The following SMAD2 variants were observed in gnomAD, a reference collection of about 807,000 sequenced individuals.
The protein encoded by SMAD2 is SMAD family member 2.
In SMAD2, 8 loss-of-function variants were observed where a neutral mutation model predicts 64.4. The ratio of observed to expected loss-of-function variants is 0.12; its 90% CI spans 0.07 to 0.22. SMAD2 has a LOEUF of 0.22. SMAD2 is among the 10% of genes least tolerant of loss of function. SMAD2 has a pLI of 1.00. For synonymous variants in SMAD2, 203 were observed against 195.8 expected (o/e 1.04, Z -0.31); for missense variants, 289 against 561.2 (o/e 0.51, Z 4.90).
chr18:47,870,687 C>G, intron 2 of SMAD2, 123 bp from the exon 3 acceptor site: 1 of 766,824 alleles, frequency 1.3e-6, no homozygotes, highest in Non-Finnish European at 2.3e-6. Flanking sequence ...TATACAATTG[C>G]TTCACTTTTT....
At chr18:47,924,792 G>C (rs551511605) in intron 1 of SMAD2, among the ~76,000 whole-genome samples, 1 of 152,300 alleles carries the variant, frequency 6.6e-6, no homozygotes, top group East Asian at 1.9e-4. Flanking sequence ...AATGAAAGAC[G>C]TGATGAGGAT....
chr18:47,886,673 G>C (rs1305454433), intron 2 of SMAD2: 1 of 152,316 alleles, frequency 6.6e-6, no homozygotes, highest in African/African-American at 2.4e-5. Flanking sequence ...GAGTTAGTGA[G>C]AAGTCTCCTT....
chr18:47,844,770 T>C (rs1455574443), intron 10 of SMAD2: 1 of 154,936 alleles, frequency 6.5e-6, no homozygotes, highest in Non-Finnish European at 1.4e-5. Flanking sequence ...ACAGAAATAA[T>C]AATTTTTAGA....
chr18:47,865,409 C>CA (rs1208922509), intron 5 of SMAD2, among the ~76,000 whole-genome samples: 4 of 152,094 alleles, frequency 2.6e-5, no homozygotes, highest in Admixed American at 1.3e-4. Flanking sequence ...TATTCTGGGG[C>CA]AAGAGCCAAA....
At position 47,837,572 on chromosome 18, in the gene SMAD2, A is replaced by AC. The variant is rs1414099699; in HGVS notation, c.*4254_*4255insG. The stretch of plus-strand genomic sequence containing the variant: ...GCGAGACTCCCTCTCAAAAAAAAAA[A>AC]AAAAAAACAAAAAACAAGGCTAACA... On this transcript the variant is annotated 3_prime_UTR_variant, in exon 11 of 11. Coordinates refer to ENST00000262160, the MANE Select transcript of SMAD2 (RefSeq NM_005901.6). The AC allele has an allele frequency of 5.3e-5, 12 of 226,442 alleles. No homozygotes were observed. Among genetic ancestry groups the AC allele is most frequent in the South Asian group, 3.7e-4 (2 of 5,416 alleles). 14.0% of individuals were successfully genotyped at this position (226,442 alleles called of 1,614,324 possible).
chr18:47,850,557 T>A (rs1277072069), intron 7 of SMAD2, among the ~76,000 whole-genome samples: 19 of 49,294 alleles, frequency 3.9e-4, no homozygotes, highest in Non-Finnish European at 6.1e-4. Context: ...TAATATATAT[T>A]ATGTATAATA....
rs1413175961 is a variant in SMAD2, at chr18:47,819,380, T to C, written c.*22447A>G. ...CTGAGTTACTGGCAAAATACCTACA[T>C]ATTTCATTTTTATGGTTCTTAATTG... On this transcript the variant is annotated 3_prime_UTR_variant, in exon 11 of 11. Coordinates refer to ENST00000262160, the MANE Select transcript of SMAD2 (RefSeq NM_005901.6). 6.6e-6 allele frequency: 1 copy of C among 152,240 alleles called. No individual in the cohort carries two copies. The highest frequency in any genetic ancestry group is 2.4e-5 in the African/African-American group (1 of 41,462). The allele number at this position is 152,240 out of a possible 1,614,324, so 9.4% of individuals were successfully genotyped here.
At chr18:47,889,992 G>A (rs1347829511) in intron 2 of SMAD2, among the ~76,000 whole-genome samples, 1 of 152,066 alleles carries the variant, frequency 6.6e-6, no homozygotes, top group African/African-American at 2.4e-5. Flanking sequence ...TTTATAAAGG[G>A]ACAAAGGTCC....
In SMAD2 at chr18:47,840,108, C is replaced by T. The variant is rs1913798205; in HGVS notation, c.*1719G>A. 4.3e-6 allele frequency: 1 copy of T among 232,946 alleles called. No homozygotes were observed. The highest frequency in any genetic ancestry group is 8.5e-6 in the Non-Finnish European group (1 of 117,958). 14.4% of individuals were successfully genotyped at this position (232,946 alleles called of 1,614,324 possible). ...GTTGAATGAATAAAAAATTACTATA[C>T]CAAATTTACATGAACACATACATAT... is the stretch of plus-strand genomic sequence containing the variant. On this transcript the variant is annotated 3_prime_UTR_variant, in exon 11 of 11. Coordinates refer to ENST00000262160, the MANE Select transcript of SMAD2 (RefSeq NM_005901.6).
At chr18:47,885,192 C>A (rs1317098403) in intron 2 of SMAD2, among the ~76,000 whole-genome samples, 2 of 148,836 alleles carry the variant, frequency 1.3e-5, no homozygotes, top group South Asian at 2.1e-4. Context: ...CATATACCCT[C>A]CCCCCCCAAG....
chr18:47,828,262 C>A lies in SMAD2; in HGVS notation c.*13565G>T. 6.5e-6 allele frequency: 1 copy of A among 154,416 alleles called. No homozygotes were observed. Among genetic ancestry groups the A allele is most frequent in the Non-Finnish European group, 1.4e-5 (1 of 70,300 alleles). 9.6% of individuals were successfully genotyped at this position (154,416 alleles called of 1,614,324 possible). Reference sequence around the variant, plus strand: ...GCCCCTGCTCGGCCAGCCGCCCCGTCCGGGAGGTGGGGGGCAACCCCCGCC... The same window carrying A: ...GCCCCTGCTCGGCCAGCCGCCCCGTACGGGAGGTGGGGGGCAACCCCCGCC... On this transcript the variant is annotated 3_prime_UTR_variant, in exon 11 of 11. Transcript: ENST00000262160.
intron 2 of SMAD2, among the ~76,000 whole-genome samples, chr18:47,889,617 A>G (rs1247826709): frequency 1.3e-5 from 2 of 152,008 alleles, no homozygotes; most frequent in Non-Finnish European, 2.9e-5. Flanking sequence ...TAAAAATACA[A>G]AAAATTAGCC....
At position 47,835,824 on chromosome 18, in the gene SMAD2, TA is replaced by T; in HGVS notation, c.*6002del. The T allele has an allele frequency of 5.1e-6, 1 of 194,630 alleles. No individual in the cohort carries two copies. Among genetic ancestry groups the T allele is most frequent in the Non-Finnish European group, 1.1e-5 (1 of 93,450 alleles). The allele number at this position is 194,630 out of a possible 1,614,324, so 12.1% of individuals were successfully genotyped here. A position where few individuals can be genotyped will look rare whatever the true frequency, so the allele number is the denominator to read the frequency against. On this transcript the variant is annotated 3_prime_UTR_variant, in exon 11 of 11. Transcript: ENST00000262160. Reference sequence around the variant, plus strand: ...TGTTCAATAAATTACCATCTTTAATTAAAAATAAGTAAATCAAAGAGCATAT... The same window carrying T: ...TGTTCAATAAATTACCATCTTTAATTAAAATAAGTAAATCAAAGAGCATAT...
At chr18:47,921,615 T>A (rs2034563423) in intron 1 of SMAD2, among the ~76,000 whole-genome samples, 1 of 152,236 alleles carries the variant, frequency 6.6e-6, no homozygotes, top group African/African-American at 2.4e-5. Flanking sequence ...AAGCCCCAGA[T>A]GTTTCAATGA....
chr18:47,850,413 TATATATA>T lies in SMAD2; in HGVS notation c.784+854_784+860del, dbSNP rs1206529708. 2.9e-4 allele frequency among the ~76,000 whole-genome samples: 5 copies of T among 17,224 alleles called. 1 individual carries two copies. The highest frequency in any genetic ancestry group is 3.9e-4 in the Non-Finnish European group (4 of 10,348). 11.3% of individuals were successfully genotyped at this position (17,224 alleles called of 152,430 possible). ...AATATATATTATATATTATGTATAA[TATATATA>T]ATATATTATATATATTATGTATAAT... On this transcript the variant is annotated intron_variant, in intron 7 of 10. Transcript: ENST00000262160.
chr18:47,869,606 T>G (rs1178229798), intron 3 of SMAD2, among the ~76,000 whole-genome samples, 170 bp from the exon 4 acceptor site: 1 of 152,088 alleles, frequency 6.6e-6, no homozygotes, highest in Non-Finnish European at 1.5e-5. Context: ...ATGGATCTGA[T>G]AAAAGTATGC....
chr18:47,926,747 G>A (rs1017544713), intron 1 of SMAD2, among the ~76,000 whole-genome samples: 14 of 152,076 alleles, frequency 9.2e-5, no homozygotes, highest in African/African-American at 3.1e-4. Context: ...TTTACAATAG[G>A]TCCATAATAA....
At position 47,839,005 on chromosome 18, in the gene SMAD2, A is replaced by ATT. The variant is rs903422982; in HGVS notation, c.*2821_*2822insAA. The ATT allele has an allele frequency of 1.5e-4, 31 of 207,712 alleles. No individual in the cohort carries two copies. Among genetic ancestry groups the ATT allele is most frequent in the African/African-American group, 8.0e-4 (30 of 37,588 alleles). The allele number at this position is 207,712 out of a possible 1,614,324, so 12.9% of individuals were successfully genotyped here. A position where few individuals can be genotyped will look rare whatever the true frequency, so the allele number is the denominator to read the frequency against. ...AGAAAAATGAAAACCACACCTATAA[A>ATT]TGGGGGGAGGGGCAGAAAACAAAAA... is the stretch of plus-strand genomic sequence containing the variant. On this transcript the variant is annotated 3_prime_UTR_variant, in exon 11 of 11. Coordinates refer to ENST00000262160, the MANE Select transcript of SMAD2 (RefSeq NM_005901.6).
At chr18:47,859,031 C>T (rs1007108257) in intron 6 of SMAD2, among the ~76,000 whole-genome samples, 7 of 151,910 alleles carry the variant, frequency 4.6e-5, no homozygotes, top group African/African-American at 7.3e-5. Flanking sequence ...TATAAAGATT[C>T]GGATAGACTG....
Sources: allele counts gnomAD v4.1 joint callset (sites outside exome capture counted in the v4.1 genomes callset), GRCh38; gene constraint gnomAD v4.1.1; transcripts MANE v1.5; gene names NCBI Gene and HGNC (gene_info 2026-07-23, HGNC 2026-07-21).